DYRK1A: variants seen among roughly 807,000 people sequenced by gnomAD.
DYRK1A encodes the protein dual specificity tyrosine phosphorylation regulated kinase 1A.
DYRK1A carries 9 observed loss-of-function variants against 79.7 expected under a neutral mutation model. That is an observed-to-expected ratio of 0.11 (90% CI 0.07 to 0.20). DYRK1A has a LOEUF of 0.20. Ranked by LOEUF, DYRK1A falls within the 10% of genes least tolerant of loss-of-function variation. The probability of loss-of-function intolerance (pLI) is 1.00; values close to 1 mark genes in which losing one functional copy is unlikely to be tolerated. For synonymous variants in DYRK1A, 349 were observed against 329.7 expected, an observed-to-expected ratio of 1.06 and a Z score of -0.63; for missense variants, 622 against 956.0, an observed-to-expected ratio of 0.65 and a Z score of 4.61.
chr21:37,474,204 A>G (rs904962056), intron 3 of DYRK1A, among the ~76,000 whole-genome samples: 21 of 152,218 alleles, frequency 1.4e-4, no homozygotes, highest in African/African-American at 4.8e-4. Flanking sequence ...ACAGCGGGCT[A>G]GGAAAACTTC....
chr21:37,418,219 T>C (rs1174618551), intron 1 of DYRK1A, among the ~76,000 whole-genome samples: 1 of 152,162 alleles, frequency 6.6e-6, no homozygotes, highest in Non-Finnish European at 1.5e-5. Flanking sequence ...GGTGAAGATT[T>C]CTGGAGTTTA....
At chr21:37,459,595 C>T (rs1452081905) in intron 2 of DYRK1A, among the ~76,000 whole-genome samples, 1 of 152,018 alleles carries the variant, frequency 6.6e-6, no homozygotes, top group East Asian at 1.9e-4. Context: ...TGATTAGTTA[C>T]CTGCTGAATA....
intron 1 of DYRK1A, among the ~76,000 whole-genome samples, chr21:37,386,657 A>G (rs2049766645): frequency 6.6e-6 from 1 of 151,542 alleles, no homozygotes; most frequent in South Asian, 2.1e-4. Flanking sequence ...CCTGACCCAT[A>G]CTGGCTTAAA....
chr21:37,467,042 A>G (rs1018111966), intron 2 of DYRK1A, among the ~76,000 whole-genome samples: 2 of 151,294 alleles, frequency 1.3e-5, no homozygotes, highest in Non-Finnish European at 2.9e-5. Context: ...GAATAGTCCT[A>G]TTAAACATGA....
intron 1 of DYRK1A, among the ~76,000 whole-genome samples, chr21:37,377,967 T>C (rs899170329): frequency 6.6e-6 from 1 of 152,220 alleles, no homozygotes; most frequent in African/African-American, 2.4e-5. Flanking sequence ...ATATGGATAT[T>C]TGAATATATG....
At chr21:37,409,163 T>A (rs918829873) in intron 1 of DYRK1A, among the ~76,000 whole-genome samples, 1 of 152,140 alleles carries the variant, frequency 6.6e-6, no homozygotes, top group Non-Finnish European at 1.5e-5. Flanking sequence ...GGAGTGTAGA[T>A]GTGTACTAGG....
At chr21:37,476,844 A>G (rs2052416218) in intron 3 of DYRK1A, among the ~76,000 whole-genome samples, 1 of 131,740 alleles carries the variant, frequency 7.6e-6, no homozygotes, top group Non-Finnish European at 1.6e-5. Flanking sequence ...CTTATTTGGA[A>G]TTAAGAAGCA....
intron 1 of DYRK1A, among the ~76,000 whole-genome samples, chr21:37,394,849 C>T (rs1308339715): frequency 1.3e-5 from 2 of 152,186 alleles, no homozygotes; most frequent in African/African-American, 4.8e-5. Context: ...TAGATAAAAA[C>T]CCTGAATATG....
chr21:37,475,437 A>G (rs1392808109), intron 3 of DYRK1A, among the ~76,000 whole-genome samples: 1 of 152,232 alleles, frequency 6.6e-6, no homozygotes, highest in Non-Finnish European at 1.5e-5. Context: ...TAGTATAGAT[A>G]TATAAGTAGG....
At chr21:37,501,895 A>G (rs1427124881) in intron 9 of DYRK1A, 1 of 152,146 alleles carries the variant, frequency 6.6e-6, no homozygotes, top group African/African-American at 2.4e-5. Context: ...ACATTGCTTT[A>G]TGGTTTTTGA....
intron 2 of DYRK1A, among the ~76,000 whole-genome samples, chr21:37,436,924 A>G (rs1259474293): frequency 6.6e-6 from 1 of 152,194 alleles, no homozygotes; most frequent in Non-Finnish European, 1.5e-5. Flanking sequence ...ATGCTGTAAG[A>G]GAGGTGGAAA....
At chr21:37,411,288 G>A (rs540570045) in intron 1 of DYRK1A, among the ~76,000 whole-genome samples, 1 of 151,960 alleles carries the variant, frequency 6.6e-6, no homozygotes, top group African/African-American at 2.4e-5. Context: ...CCCAGGAGGC[G>A]GAGGTTGCAG....
chr21:37,446,051 T>C (rs2051259549), intron 2 of DYRK1A, among the ~76,000 whole-genome samples: 1 of 152,152 alleles, frequency 6.6e-6, no homozygotes, highest in Admixed American at 6.5e-5. Flanking sequence ...AAACGGTAAA[T>C]CAGTGTTGCT....
At chr21:37,385,732 T>C (rs983407746) in intron 1 of DYRK1A, among the ~76,000 whole-genome samples, 12 of 152,216 alleles carry the variant, frequency 7.9e-5, no homozygotes, top group South Asian at 6.2e-4. Flanking sequence ...ATTTTAGAGC[T>C]ATTAGGCTTT....
chr21:37,375,268 G>T (rs2049514261), intron 1 of DYRK1A, among the ~76,000 whole-genome samples: 1 of 152,154 alleles, frequency 6.6e-6, no homozygotes, highest in Non-Finnish European at 1.5e-5. Flanking sequence ...AAAGCTGAAG[G>T]TTTTAAGTAA....
intron 1 of DYRK1A, among the ~76,000 whole-genome samples, chr21:37,379,091 C>CA (rs2049605894): frequency 6.6e-6 from 1 of 151,872 alleles, no homozygotes; most frequent in South Asian, 2.1e-4. Context: ...TTGGTATGCT[C>CA]AGGGAGTGAA....
chr21:37,419,018 G>C (rs2050412423), intron 1 of DYRK1A: 1 of 152,138 alleles, frequency 6.6e-6, no homozygotes, highest in Admixed American at 6.5e-5. Flanking sequence ...AAAGTATAAG[G>C]AGAAATAAAT....
intron 6 of DYRK1A, chr21:37,488,246 G>T: frequency 1.8e-6 from 1 of 562,414 alleles, no homozygotes; most frequent in Non-Finnish European, 2.3e-6. Flanking sequence ...TATTTCAGAA[G>T]ATGGTGAATG....
At chr21:37,457,040 ATTTATTTATTTATTTAT>A (rs2051672570) in intron 2 of DYRK1A, among the ~76,000 whole-genome samples, 1 of 43,256 alleles carries the variant, frequency 2.3e-5, no homozygotes, top group South Asian at 5.9e-4. Flanking sequence ...TTACTTACTT[ATTTATTTATTTATTTAT>A]TTATTTATTT....
Sources: gnomAD v4.1 joint callset for allele counts (sites outside exome capture counted in the v4.1 genomes callset) on GRCh38, gnomAD v4.1.1 for gene constraint, MANE v1.5 for transcripts, NCBI Gene and HGNC (gene_info 2026-07-23, HGNC 2026-07-21) for gene names.